DOCK3: variants seen among roughly 807,000 people sequenced by gnomAD.
The protein encoded by DOCK3 is dedicator of cytokinesis 3.
A neutral mutation model predicts 265.6 loss-of-function variants in DOCK3; 60 were observed. That is an observed-to-expected ratio of 0.23 (90% confidence interval 0.18 to 0.28). The LOEUF is 0.28. Among genes scored for constraint, DOCK3 ranks in the 10% least tolerant of loss-of-function variants. The pLI, the probability that DOCK3 is intolerant of heterozygous loss-of-function variation, is 1.00. For synonymous variants in DOCK3, 881 were observed against 938.0 expected (o/e 0.94, Z 1.11); for missense variants, 1,981 against 2,594.3 (o/e 0.76, Z 5.14).
chr3:51,142,467 G>A (rs1560117926), intron 9 of DOCK3, among the ~76,000 whole-genome samples: 1 of 152,146 alleles, frequency 6.6e-6, no homozygotes, highest in Non-Finnish European at 1.5e-5. Context: ...TTTCCAGAAT[G>A]CAACATAAAT....
intron 9 of DOCK3, among the ~76,000 whole-genome samples, chr3:51,098,841 A>G (rs772888486): frequency 6.6e-6 from 1 of 152,228 alleles, no homozygotes; most frequent in Non-Finnish European, 1.5e-5. Flanking sequence ...AACTGTTAAC[A>G]TCACTTTCTT....
intron 1 of DOCK3, among the ~76,000 whole-genome samples, chr3:50,726,293 A>G (rs2037819132): frequency 6.6e-6 from 1 of 152,182 alleles, no homozygotes; most frequent in South Asian, 2.1e-4. Flanking sequence ...GCCATTCAGA[A>G]GAAGGGACAA....
At chr3:50,964,471 G>T (rs1036952558) in intron 5 of DOCK3, among the ~76,000 whole-genome samples, 23 of 152,080 alleles carry the variant, frequency 1.5e-4, no homozygotes, top group African/African-American at 5.1e-4. Flanking sequence ...GAAAAATTAC[G>T]TCTGGGATAA....
chr3:50,883,587 C>G (rs747507094), intron 3 of DOCK3, among the ~76,000 whole-genome samples: 30 of 151,896 alleles, frequency 2.0e-4, no homozygotes, highest in Non-Finnish European at 2.9e-4. Context: ...ATTTGTCTTC[C>G]ATTCCTGAAA....
chr3:51,308,222 CTT>C (rs779774728), intron 27 of DOCK3, among the ~76,000 whole-genome samples: 5 of 132,516 alleles, frequency 3.8e-5, no homozygotes, highest in Admixed American at 8.0e-5. Context: ...ATCCATTTTT[CTT>C]TTTTTTTTTT....
At chr3:50,679,646 G>T (rs1479718402) in intron 1 of DOCK3, among the ~76,000 whole-genome samples, 2 of 152,158 alleles carry the variant, frequency 1.3e-5, no homozygotes, top group Non-Finnish European at 2.9e-5. Context: ...CAAAATTTGA[G>T]TAAATCTGTT....
chr3:50,821,120 T>C (rs1271413424), intron 2 of DOCK3, among the ~76,000 whole-genome samples: 1 of 149,868 alleles, frequency 6.7e-6, no homozygotes, highest in Non-Finnish European at 1.5e-5. Context: ...CTGATAGTTT[T>C]CTTTCTTTCT....
chr3:50,724,991 CAAA>C (rs34882214), intron 1 of DOCK3, among the ~76,000 whole-genome samples: 8 of 139,730 alleles, frequency 5.7e-5, no homozygotes, highest in Admixed American at 7.2e-5. Flanking sequence ...GATTCTGTCT[CAAA>C]AAAAAAAAAA....
intron 23 of DOCK3, among the ~76,000 whole-genome samples, chr3:51,264,207 G>T (rs2080026356): frequency 6.6e-6 from 1 of 152,012 alleles, no homozygotes; most frequent in African/African-American, 2.4e-5. Context: ...AATCATAACA[G>T]TCTCTCAGAC....
At chr3:50,678,958 C>T (rs374319703) in intron 1 of DOCK3, among the ~76,000 whole-genome samples, 24 of 151,894 alleles carry the variant, frequency 1.6e-4, no homozygotes, top group Non-Finnish European at 2.8e-4. Context: ...TACAGGTGCC[C>T]GCCACCATGC....
chr3:50,774,537 A>G (rs990647573), intron 1 of DOCK3, among the ~76,000 whole-genome samples: 3 of 152,004 alleles, frequency 2.0e-5, no homozygotes, highest in Admixed American at 6.6e-5. Context: ...ACTTAAAAAT[A>G]TTCACCTTGT....
rs2086761491 is a variant in DOCK3, at chr3:51,361,854, C to T, written c.5007-5C>T. ...CTCCTCCCTATTTCCCACTCTTGCT[C>T]ACAGCCCCATGAACTTGATGGGCAC... On this transcript the variant is annotated splice_region_variant and splice_polypyrimidine_tract_variant and intron_variant, in intron 47 of 52. Transcript: ENST00000266037. The surrounding 1 kb of genome is among the most constrained non-coding windows in gnomAD (Gnocchi z 4.2). 4 of 1,611,980 alleles carry T rather than the reference C, an allele frequency of 2.5e-6. No individual in the cohort carries two copies. In the South Asian group the frequency reaches 3.3e-5, roughly 13 times the overall value.
At chr3:51,270,409 C>G (rs1393481045) in intron 23 of DOCK3, among the ~76,000 whole-genome samples, 3 of 152,196 alleles carry the variant, frequency 2.0e-5, no homozygotes, top group Admixed American at 1.3e-4. Flanking sequence ...TCAGCTCTCT[C>G]TGCCATACTT....
chr3:51,210,764 T>G (rs1217871426), intron 13 of DOCK3, among the ~76,000 whole-genome samples: 1 of 152,244 alleles, frequency 6.6e-6, no homozygotes, highest in Non-Finnish European at 1.5e-5. Context: ...CCCATCTTTG[T>G]TAGATATTGT....
At chr3:51,345,127 TTAGC>T (rs1576879718) in intron 38 of DOCK3, among the ~76,000 whole-genome samples, 1 of 152,308 alleles carries the variant, frequency 6.6e-6, no homozygotes, top group East Asian at 1.9e-4. Context: ...AGCTGTAAAC[TTAGC>T]TAGCCCCCAT....
chr3:50,928,866 G>C (rs991900047), intron 4 of DOCK3, among the ~76,000 whole-genome samples: 3 of 152,204 alleles, frequency 2.0e-5, no homozygotes, highest in Non-Finnish European at 4.4e-5. Flanking sequence ...TTGGGTACCT[G>C]TATAACCATT....
intron 10 of DOCK3, among the ~76,000 whole-genome samples, chr3:51,149,374 A>G (rs981196344): frequency 9.2e-5 from 14 of 151,872 alleles, no homozygotes; most frequent in South Asian, 2.1e-4. Flanking sequence ...TTCCAACACT[A>G]TGTTGAATAG....
At chr3:51,016,574 T>TCATATA (rs1415994269) in intron 5 of DOCK3, among the ~76,000 whole-genome samples, 1 of 91,566 alleles carries the variant, frequency 1.1e-5, no homozygotes, top group African/African-American at 4.6e-5. Context: ...TATATATATA[T>TCATATA]TTATATATAT....
intron 10 of DOCK3, among the ~76,000 whole-genome samples, chr3:51,147,693 G>A (rs1234736951): frequency 6.6e-6 from 1 of 152,158 alleles, no homozygotes; most frequent in African/African-American, 2.4e-5. Context: ...TGGCTGAATA[G>A]TATTCCATGG....
Sources: gnomAD v4.1 joint callset for allele counts (sites outside exome capture counted in the v4.1 genomes callset) on GRCh38, gnomAD v4.1.1 for gene constraint, Gnocchi (gnomAD v3.1) non-coding constraint, MANE v1.5 for transcripts, NCBI Gene and HGNC (gene_info 2026-07-23, HGNC 2026-07-21) for gene names.